Variants in ADAMTS20 observed in about 807,000 individuals in gnomAD.
The protein encoded by ADAMTS20 is ADAM metallopeptidase with thrombospondin type 1 motif 20.
A neutral mutation model predicts 260.1 loss-of-function variants in ADAMTS20; 225 were observed. That is an observed-to-expected ratio of 0.87 (90% CI 0.78 to 0.97). The LOEUF (loss-of-function observed/expected upper bound fraction) is 0.97, where lower values mean the gene tolerates loss of function less well. Ranked by LOEUF, ADAMTS20 falls within the 50% of genes least tolerant of loss-of-function variation. The pLI is 0.00. For synonymous variants in ADAMTS20, 802 were observed against 769.5 expected, an observed-to-expected ratio of 1.04 and a Z score of -0.70; for missense variants, 2,400 against 2,337.7, an observed-to-expected ratio of 1.03 and a Z score of -0.55.
In ADAMTS20 at chr12:43,551,211, A is replaced by T. The variant is rs558963733; in HGVS notation, c.151T>A (p.Phe51Ile). ...TGGCTCTGAGGGAACACTTCTCCAAACTCATTGACCCGCTCGGGGATCACT... is the reference window on the plus strand; with the variant it reads ...TGGCTCTGAGGGAACACTTCTCCAATCTCATTGACCCGCTCGGGGATCACT... ...EVVIPERVNE[F>I]GEVFPQSHHF... The change falls in exon 2 of 39, where the codon TTT becomes ATT. Residue 51 changes from phenylalanine (F) to isoleucine (I), a missense_variant. Transcript: ENST00000389420. This position sits in a 1 kb window ranked among gnomAD's most constrained non-coding sequence, Gnocchi z 4.6. 3.1e-6 allele frequency: 5 copies of T among 1,613,530 alleles called. No homozygotes were observed. The highest frequency in any genetic ancestry group is 4.5e-5 in the East Asian group (2 of 44,834).
chr12:43,449,450 C>T (rs1941823866), intron 14 of ADAMTS20, among the ~76,000 whole-genome samples: 1 of 151,802 alleles, frequency 6.6e-6, no homozygotes, highest in Non-Finnish European at 1.5e-5. Context: ...CATATGGGCA[C>T]AAAGAGGGGA....
intron 6 of ADAMTS20, among the ~76,000 whole-genome samples, chr12:43,491,097 A>G (rs1942592810): frequency 6.6e-6 from 1 of 152,168 alleles, no homozygotes; most frequent in Non-Finnish European, 1.5e-5. Context: ...GTTTCAGTCA[A>G]CAATGGACTG....
chr12:43,409,750 T>C (rs1472780517), intron 28 of ADAMTS20, among the ~76,000 whole-genome samples: 2 of 152,112 alleles, frequency 1.3e-5, no homozygotes, highest in Non-Finnish European at 2.9e-5. Context: ...CACAAATCTT[T>C]TTAATGAAAG....
chr12:43,452,375 C>T lies in ADAMTS20; in HGVS notation c.1978G>A (p.Val660Ile). The T allele has an allele frequency of 6.2e-7, 1 of 1,613,230 alleles. No individual in the cohort carries two copies. ...TKDRCKLYCQ[V>I]AGTNYFYLLK... ...AGGTAGAAATAATTGGTTCCAGCAACCTGACAATAGAGTTTACAACGATCC... is the reference window on the plus strand; with the variant it reads ...AGGTAGAAATAATTGGTTCCAGCAATCTGACAATAGAGTTTACAACGATCC... The change falls in exon 14 of 39, where the codon GTT becomes ATT. Residue 660 changes from valine (V) to isoleucine (I), a missense_variant. Physicochemically the swap from Val to Ile is conservative, Grantham distance 29. Transcript: ENST00000389420.
intron 7 of ADAMTS20, among the ~76,000 whole-genome samples, chr12:43,476,897 A>G (rs1172749158): frequency 1.3e-5 from 2 of 151,084 alleles, no homozygotes; most frequent in African/African-American, 4.9e-5. Flanking sequence ...CTAAGGCTAG[A>G]TGACGAGTTA....
At chr12:43,414,525 A>G (rs1941093338) in intron 28 of ADAMTS20, among the ~76,000 whole-genome samples, 1 of 152,132 alleles carries the variant, frequency 6.6e-6, no homozygotes, top group Non-Finnish European at 1.5e-5. Flanking sequence ...CAGAAAATCC[A>G]GTAGAAAAGT....
intron 24 of ADAMTS20, among the ~76,000 whole-genome samples, chr12:43,429,409 A>C (rs1941396330): frequency 2.6e-5 from 4 of 152,200 alleles, no homozygotes; most frequent in Admixed American, 2.6e-4. Context: ...TATACTCAGA[A>C]AACTTCAATT....
intron 37 of ADAMTS20, among the ~76,000 whole-genome samples, chr12:43,368,290 AG>A (rs1444415843): frequency 6.6e-6 from 1 of 152,122 alleles, no homozygotes; most frequent in Non-Finnish European, 1.5e-5. Context: ...GACCTAAAGG[AG>A]TCATACTGAA....
intron 7 of ADAMTS20, among the ~76,000 whole-genome samples, chr12:43,470,261 G>A (rs1399962246): frequency 6.6e-6 from 1 of 152,082 alleles, no homozygotes; most frequent in African/African-American, 2.4e-5. Flanking sequence ...TTTTCAATTT[G>A]CCAAATTACA....
At chr12:43,444,985 T>C (rs1388551453) in intron 15 of ADAMTS20, among the ~76,000 whole-genome samples, 1 of 152,202 alleles carries the variant, frequency 6.6e-6, no homozygotes, top group Non-Finnish European at 1.5e-5. Flanking sequence ...TGTAGGTTAT[T>C]GACCTACAAG....
intron 7 of ADAMTS20, among the ~76,000 whole-genome samples, chr12:43,482,664 C>G (rs908865137): frequency 8.5e-5 from 13 of 152,296 alleles, no homozygotes; most frequent in African/African-American, 3.1e-4. Context: ...CTGACCCATC[C>G]CCAACCTAGC....
At chr12:43,484,476 TAA>T (rs1942491687) in intron 7 of ADAMTS20, among the ~76,000 whole-genome samples, 1 of 151,914 alleles carries the variant, frequency 6.6e-6, no homozygotes, top group South Asian at 2.1e-4. Context: ...ATATTTTAAA[TAA>T]AAAAACAATC....
At position 43,428,292 on chromosome 12, in the gene ADAMTS20, C is replaced by A; in HGVS notation, c.3894G>T (p.Val1298=). 6.2e-7 allele frequency: 1 copy of A among 1,613,912 alleles called. No individual in the cohort carries two copies. Among genetic ancestry groups the A allele is most frequent in the Non-Finnish European group, 8.5e-7 (1 of 1,179,870 alleles). The change falls in exon 26 of 39, where the codon GTG becomes GTT. Residue 1298 remains valine (V), a synonymous_variant. Transcript: ENST00000389420. ...TQKLEDNENQ[V]VHPSVRGNQW... is the part of the protein sequence containing the mutation. ...GGTTTCCTCTGACTGATGGATGGACCACCTGATTTTCATTATCTTCAAGTT... is the reference window on the plus strand; with the variant it reads ...GGTTTCCTCTGACTGATGGATGGACAACCTGATTTTCATTATCTTCAAGTT...
intron 36 of ADAMTS20, among the ~76,000 whole-genome samples, chr12:43,374,489 T>G (rs1940178747): frequency 6.6e-6 from 1 of 152,154 alleles, no homozygotes; most frequent in African/African-American, 2.4e-5. Context: ...ACGTTTTGAC[T>G]TGATTGTATT....
chr12:43,456,997 A>C (rs1314103212), intron 11 of ADAMTS20, among the ~76,000 whole-genome samples: 1 of 152,226 alleles, frequency 6.6e-6, no homozygotes, highest in Non-Finnish European at 1.5e-5. Flanking sequence ...AGAATCAAAG[A>C]ATAAGAGAGC....
chr12:43,421,765 T>C (rs1941242571), intron 28 of ADAMTS20, among the ~76,000 whole-genome samples: 1 of 152,082 alleles, frequency 6.6e-6, no homozygotes, highest in African/African-American at 2.4e-5. Context: ...ATAAGTCTTA[T>C]ACTTTTAAAT....
chr12:43,458,745 A>T (rs570930740), intron 11 of ADAMTS20, among the ~76,000 whole-genome samples: 2 of 152,326 alleles, frequency 1.3e-5, no homozygotes, highest in Non-Finnish European at 2.9e-5. Flanking sequence ...TATTTGTAAT[A>T]TTCTAGTCTC....
At chr12:43,546,468 C>G (rs1428407252) in intron 2 of ADAMTS20, among the ~76,000 whole-genome samples, 1 of 151,812 alleles carries the variant, frequency 6.6e-6, no homozygotes, top group African/African-American at 2.4e-5. Flanking sequence ...CTTGAACACC[C>G]TAGGTAATAT....
rs894128914 is a variant in ADAMTS20 at position 43,434,102 on chromosome 12, A to T, written c.2720+143T>A. On this transcript the variant is annotated intron_variant, in intron 19 of 38. Transcript: ENST00000389420. The stretch of plus-strand genomic sequence containing the variant: ...CAATTATGTACTGAGTTTTACCATA[A>T]AATAGTGAGCCTGAAATTTTTTCAT... 1.2e-4 allele frequency: 110 copies of T among 889,656 alleles called. No individual in the cohort carries two copies. The African/African-American group carries it at 1.8e-3, about 14-fold the overall frequency. The allele number at this position is 889,656 out of a possible 1,614,324, so 55.1% of individuals were successfully genotyped here.
Sources: gnomAD v4.1 joint callset for allele counts (sites outside exome capture counted in the v4.1 genomes callset) on GRCh38, gnomAD v4.1.1 for gene constraint, Gnocchi (gnomAD v3.1) non-coding constraint, MANE v1.5 for transcripts, NCBI Gene and HGNC (gene_info 2026-07-23, HGNC 2026-07-21) for gene names.